The following CSMD1 variants were observed in gnomAD, a reference collection of about 807,000 sequenced individuals.
CSMD1 encodes the protein CUB and sushi domain-containing protein 1.
In CSMD1, 213 loss-of-function variants were observed where a neutral mutation model predicts 417.5. The observed-to-expected ratio is 0.51, with a 90% CI of 0.46 to 0.57. The LOEUF is 0.57. CSMD1 is among the 20% of genes least tolerant of loss of function. The pLI is 0.00. For missense variants in CSMD1, 6,923 were observed against 4,529.7 expected (o/e 1.53, Z -15.17); for synonymous variants, 2,862 against 1,736.8 (o/e 1.65, Z -16.11).
intron 1 of CSMD1, among the ~76,000 whole-genome samples, chr8:4,993,545 G>A (rs1811590946): frequency 6.6e-6 from 1 of 152,146 alleles, no homozygotes; most frequent in African/African-American, 2.4e-5. Flanking sequence ...AGAAAACCAA[G>A]CTCACAGAGC....
At chr8:3,263,805 A>C (rs183259601) in intron 26 of CSMD1, among the ~76,000 whole-genome samples, 1 of 152,342 alleles carries the variant, frequency 6.6e-6, no homozygotes, top group African/African-American at 2.4e-5. Flanking sequence ...CAAAGACACT[A>C]ATAGTTTTGC....
chr8:4,466,838 G>A (rs1335439548), intron 2 of CSMD1, among the ~76,000 whole-genome samples: 1 of 151,824 alleles, frequency 6.6e-6, no homozygotes, highest in Admixed American at 6.6e-5. Context: ...CAGAGAGCAG[G>A]GGAAACATTA....
At chr8:4,281,315 T>G (rs183963095) in intron 3 of CSMD1, among the ~76,000 whole-genome samples, 1 of 152,202 alleles carries the variant, frequency 6.6e-6, no homozygotes, top group African/African-American at 2.4e-5. Flanking sequence ...TGATAGTAAC[T>G]GCGAGAACAG....
At chr8:4,289,099 A>G (rs1029992155) in intron 3 of CSMD1, among the ~76,000 whole-genome samples, 4 of 152,204 alleles carry the variant, frequency 2.6e-5, no homozygotes, top group African/African-American at 7.2e-5. Flanking sequence ...GTGTAACAGC[A>G]AAAGAAAAAT....
At chr8:2,951,351 G>T (rs1802616200) in intron 65 of CSMD1, 76 bp from the exon 66 acceptor site, 1 of 1,400,204 alleles carries the variant, frequency 7.1e-7, no homozygotes, top group Non-Finnish European at 9.6e-7. Flanking sequence ...AACACAGAAG[G>T]CATCATACTG....
chr8:4,683,854 C>G (rs940240118), intron 1 of CSMD1, among the ~76,000 whole-genome samples: 3 of 152,180 alleles, frequency 2.0e-5, no homozygotes, highest in Non-Finnish European at 4.4e-5. Context: ...GAATATGAAT[C>G]TGTTCATTTG....
At chr8:4,031,682 T>A (rs1797355025) in intron 4 of CSMD1, among the ~76,000 whole-genome samples, 2 of 152,222 alleles carry the variant, frequency 1.3e-5, no homozygotes, top group African/African-American at 4.8e-5. Flanking sequence ...CACATGTTAT[T>A]ACTTACATAC....
intron 5 of CSMD1, among the ~76,000 whole-genome samples, chr8:3,885,759 C>A (rs954984175): frequency 6.6e-6 from 1 of 152,240 alleles, no homozygotes. Flanking sequence ...CACAAACAAA[C>A]TGGAGTCAAG....
chr8:3,467,279 A>G (rs17394506), intron 12 of CSMD1, among the ~76,000 whole-genome samples: 21,327 of 152,200 alleles, frequency 0.14, 1,519 homozygotes, highest in East Asian at 0.22. Context: ...GTGTATCTCA[A>G]TGCTGCTGAG....
At chr8:3,616,302 G>C (rs1328614401) in intron 8 of CSMD1, among the ~76,000 whole-genome samples, 1 of 152,070 alleles carries the variant, frequency 6.6e-6, no homozygotes, top group African/African-American at 2.4e-5. Flanking sequence ...CATGAGATCT[G>C]ATGGTTTTTT....
intron 2 of CSMD1, among the ~76,000 whole-genome samples, chr8:4,448,894 C>T (rs1798970189): frequency 6.6e-6 from 1 of 152,200 alleles, no homozygotes; most frequent in Non-Finnish European, 1.5e-5. Context: ...TAAACACACA[C>T]ATGCACACAT....
intron 17 of CSMD1, among the ~76,000 whole-genome samples, chr8:3,395,249 C>A (rs1322728254): frequency 6.6e-6 from 1 of 152,108 alleles, no homozygotes; most frequent in Non-Finnish European, 1.5e-5. Context: ...AAAAGAACAG[C>A]CATAAAACTT....
chr8:4,157,248 C>G (rs1461989261), intron 3 of CSMD1, among the ~76,000 whole-genome samples: 1 of 152,132 alleles, frequency 6.6e-6, no homozygotes, highest in Admixed American at 6.5e-5. Context: ...CAACAGGGCC[C>G]GTTTGTCTAC....
At chr8:4,103,652 A>G (rs1210796942) in intron 3 of CSMD1, among the ~76,000 whole-genome samples, 1 of 152,174 alleles carries the variant, frequency 6.6e-6, no homozygotes, top group African/African-American at 2.4e-5. Context: ...CTCATTAGGT[A>G]TCTGATATGC....
intron 5 of CSMD1, among the ~76,000 whole-genome samples, chr8:3,980,138 C>G (rs1813740080): frequency 6.6e-6 from 1 of 152,120 alleles, no homozygotes; most frequent in Non-Finnish European, 1.5e-5. Context: ...TTGTATAGTG[C>G]TGTACGGTTT....
At position 4,540,801 on chromosome 8, in the gene CSMD1, C is replaced by T. The variant is rs564174730; in HGVS notation, c.302+96541G>A. On this transcript the variant is annotated intron_variant, in intron 2 of 69. Transcript: ENST00000635120. Reference sequence around the variant, plus strand: ...CCAGTGAGGTACCTTCTGTTATTATCCCCATTTTACAGATGATAAAACTGA... The same window carrying T: ...CCAGTGAGGTACCTTCTGTTATTATTCCCATTTTACAGATGATAAAACTGA... 5.9e-5 allele frequency among the ~76,000 whole-genome samples: 9 copies of T among 152,182 alleles called. No individual in the cohort carries two copies. In the East Asian group the frequency reaches 1.7e-3, roughly 30 times the overall value.
intron 6 of CSMD1, among the ~76,000 whole-genome samples, chr8:3,751,099 G>A (rs1030085492): frequency 7.2e-5 from 11 of 152,026 alleles, no homozygotes; most frequent in African/African-American, 2.2e-4. Flanking sequence ...CCTGTTCAAT[G>A]AGGACCATGT....
chr8:3,265,258 G>T lies in CSMD1; in HGVS notation c.4153+18886C>A, dbSNP rs139726899. ...ATGAAAAAACAAGGGAAGACAAAAT[G>T]CTACTAAGTGTCAAATGTGAGGCAG... is the stretch of plus-strand genomic sequence containing the variant. On this transcript the variant is annotated intron_variant, in intron 26 of 69. Transcript: ENST00000635120. Among the ~76,000 whole-genome samples, 8 of 152,300 alleles carry T rather than the reference G, an allele frequency of 5.3e-5. No individual in the cohort carries two copies. In the East Asian group the frequency reaches 1.5e-3, roughly 29 times the overall value.
intron 7 of CSMD1, among the ~76,000 whole-genome samples, chr8:3,697,789 G>A (rs1016797980): frequency 6.6e-6 from 1 of 152,082 alleles, no homozygotes; most frequent in African/African-American, 2.4e-5. Flanking sequence ...AAGTAGTGAT[G>A]GAAATGCTAA....
Sources: gnomAD v4.1 joint callset for allele counts (sites outside exome capture counted in the v4.1 genomes callset) on GRCh38, gnomAD v4.1.1 for gene constraint, MANE v1.5 for transcripts, NCBI Gene and HGNC (gene_info 2026-07-23, HGNC 2026-07-21) for gene names.